Variants in ZNF221 observed in about 807,000 individuals in gnomAD.
ZNF221 encodes zinc finger protein 221.
In ZNF221, 10 loss-of-function variants were observed where a neutral mutation model predicts 12.6. The observed-to-expected ratio is 0.79, with a 90% CI of 0.49 to 1.34. The LOEUF (loss-of-function observed/expected upper bound fraction) is 1.34, where lower values mean the gene tolerates loss of function less well. ZNF221 is among the 40% of genes most tolerant of loss of function. ZNF221 has a pLI of 0.00. For synonymous variants in ZNF221, 232 were observed against 244.0 expected, an observed-to-expected ratio of 0.95 and a Z score of 0.46; for missense variants, 661 against 721.4, an observed-to-expected ratio of 0.92 and a Z score of 0.96.
downstream of ZNF221, among the ~76,000 whole-genome samples, chr19:43,969,963 T>A (rs442679): frequency 0.77 from 117,853 of 152,140 alleles, 46,740 homozygotes; most frequent in Middle Eastern, 0.89. Flanking sequence ...CCTGACTCAG[T>A]GAGACCTCCC....
In ZNF221 at chr19:43,953,797, C is replaced by T. The variant is rs373850981; in HGVS notation, c.-3+2397C>T. Among the ~76,000 whole-genome samples, 232 of 152,142 alleles carry T rather than the reference C, an allele frequency of 1.5e-3. 1 individual carries two copies. The highest frequency in any genetic ancestry group is 6.8e-3 in the Middle Eastern group (2 of 294). Reference sequence around the variant, plus strand: ...CCTCTTACATAAAAAGGATTTACAACTCAGCCAGGCGTGGTGGCTCACACC... The same window carrying T: ...CCTCTTACATAAAAAGGATTTACAATTCAGCCAGGCGTGGTGGCTCACACC... On this transcript the variant is annotated intron_variant, in intron 1 of 4. Transcript: ENST00000587682.
At chr19:43,959,875 G>A (rs1599815063) in intron 1 of ZNF221, among the ~76,000 whole-genome samples, 1 of 152,168 alleles carries the variant, frequency 6.6e-6, no homozygotes, top group South Asian at 2.1e-4. Context: ...CTATAAAGAT[G>A]CCTGAAAATG....
At chr19:43,971,645 TA>T (rs55735919), downstream of ZNF221, among the ~76,000 whole-genome samples, 396 of 148,650 alleles carry the variant, frequency 2.7e-3, 1 homozygote, top group African/African-American at 8.1e-3. Flanking sequence ...CCAACAAAGA[TA>T]AAAAAAAAAA....
intron 1 of ZNF221, among the ~76,000 whole-genome samples, chr19:43,959,226 A>G (rs1289059305): frequency 1.6e-4 from 25 of 152,230 alleles, no homozygotes; most frequent in Admixed American, 1.6e-3. Flanking sequence ...TTCACACTGT[A>G]CACTGTAGTT....
rs781164612 is a variant in ZNF221 at position 43,965,240 on chromosome 19, A to G, written c.216A>G (p.Gln72=). The G allele has an allele frequency of 1.9e-6, 3 of 1,611,166 alleles. No homozygotes were observed. Among genetic ancestry groups the G allele is most frequent in the African/African-American group, 1.3e-5 (1 of 74,806 alleles). The change falls in exon 4 of 5, where the codon CAA becomes CAG. Residue 72 remains glutamine, a synonymous_variant. Coordinates refer to ENST00000587682, the MANE Select transcript of ZNF221 (RefSeq NM_001297588.2). ...NFRNLLSVGN[Q]PFHQDTFHFL... ...GTCACTGTGTGTTCACAGGGAATCA[A>G]CCATTCCACCAAGATACTTTCCACT...
At chr19:43,968,117 G>A (rs529573968), downstream of ZNF221, 2 of 152,412 alleles carry the variant, frequency 1.3e-5, no homozygotes, top group Admixed American at 1.3e-4. Flanking sequence ...ATATCTCATA[G>A]CTTATTACAG....
Position 43,967,392 on chromosome 19 carries a change from C to T in ZNF221, c.*36C>T, listed in dbSNP as rs1324397356. Reference sequence around the variant, plus strand: ...TGTGGGAAGGGCTTTGGCTGGGCCTCAACTCATCTGACCCATCAATTCTCC... The same window carrying T: ...TGTGGGAAGGGCTTTGGCTGGGCCTTAACTCATCTGACCCATCAATTCTCC... On this transcript the variant is annotated 3_prime_UTR_variant, in exon 5 of 5. Coordinates refer to ENST00000587682, the MANE Select transcript of ZNF221 (RefSeq NM_001297588.2). 1.3e-6 allele frequency: 2 copies of T among 1,507,024 alleles called. No individual in the cohort carries two copies. The highest frequency in any genetic ancestry group is 2.3e-5 in the East Asian group (1 of 44,388). The allele number at this position is 1,507,024 out of a possible 1,614,324, so 93.4% of individuals were successfully genotyped here.
chr19:43,972,411 T>G (rs1599825667), downstream of ZNF221, among the ~76,000 whole-genome samples: 1 of 151,404 alleles, frequency 6.6e-6, no homozygotes, highest in East Asian at 1.9e-4. Flanking sequence ...GGAAATAAGA[T>G]CAGAGCAGAA....
In ZNF221 at chr19:43,967,048, A is replaced by C; in HGVS notation, c.1546A>C (p.Thr516Pro). Residue 516 changes from threonine to proline, a missense_variant, in exon 5 of 5, where the codon ACT (threonine) becomes CCT (proline). Physicochemically the swap from Thr to Pro is conservative, Grantham distance 38. Transcript: ENST00000587682. ...ATGTGAAGAGTGTGGAAAGAGATTTACTCAGAGTTCACAACTTCATTCCCA... is the reference window on the plus strand; with the variant it reads ...ATGTGAAGAGTGTGGAAAGAGATTTCCTCAGAGTTCACAACTTCATTCCCA... ...FKCEECGKRF[T>P]QSSQLHSHQT... 6.3e-7 allele frequency: 1 copy of C among 1,597,494 alleles called. No individual in the cohort carries two copies. The highest frequency in any genetic ancestry group is 1.1e-5 in the South Asian group (1 of 89,560).
At chr19:43,954,610 G>T (rs1474573588) in intron 1 of ZNF221, among the ~76,000 whole-genome samples, 2 of 152,154 alleles carry the variant, frequency 1.3e-5, no homozygotes, top group Admixed American at 6.5e-5. Flanking sequence ...GCCAGATGGG[G>T]TGAAGGCACA....
the ZNF221 span, among the ~76,000 whole-genome samples, chr19:43,973,835 A>G: frequency 6.6e-6 from 1 of 152,246 alleles, no homozygotes; most frequent in Non-Finnish European, 1.5e-5. Flanking sequence ...AGTAATTTAT[A>G]GATTCAATGC....
chr19:43,952,639 C>T (rs1280927484), intron 1 of ZNF221, among the ~76,000 whole-genome samples: 2 of 152,212 alleles, frequency 1.3e-5, no homozygotes, highest in Admixed American at 6.5e-5. Flanking sequence ...GGAACCTTTG[C>T]GGTCCAGGTC....
intron 1 of ZNF221, among the ~76,000 whole-genome samples, chr19:43,961,047 C>T (rs1974834309): frequency 6.6e-6 from 1 of 152,148 alleles, no homozygotes; most frequent in Admixed American, 6.5e-5. Context: ...CTTGGCTGCC[C>T]AAGGCCTTGG....
intron 1 of ZNF221, among the ~76,000 whole-genome samples, chr19:43,955,623 C>G (rs1272097554): frequency 7.2e-5 from 11 of 152,174 alleles, no homozygotes; most frequent in African/African-American, 2.7e-4. Context: ...TATGGCCAGG[C>G]CATTTGCCAC....
At chr19:43,971,437 G>T (rs1447101268), downstream of ZNF221, among the ~76,000 whole-genome samples, 1 of 152,072 alleles carries the variant, frequency 6.6e-6, no homozygotes, top group East Asian at 1.9e-4. Flanking sequence ...TAGGCTAAAT[G>T]CCCCAATTGA....
chr19:43,980,038 G>A, the ZNF221 span, among the ~76,000 whole-genome samples: 2 of 152,152 alleles, frequency 1.3e-5, no homozygotes, highest in East Asian at 1.9e-4. Context: ...ATAGTCAAAC[G>A]AAGGACTATA....
intron 1 of ZNF221, among the ~76,000 whole-genome samples, chr19:43,956,928 C>T (rs982118756): frequency 1.3e-5 from 2 of 152,200 alleles, no homozygotes; most frequent in African/African-American, 4.8e-5. Context: ...AGAAGCTTCA[C>T]TGCTACCATG....
At chr19:43,956,370 A>T (rs949702667) in intron 1 of ZNF221, among the ~76,000 whole-genome samples, 2 of 152,242 alleles carry the variant, frequency 1.3e-5, no homozygotes, top group South Asian at 2.1e-4. Context: ...CATTTAGGTA[A>T]AGAAGATACA....
chr19:43,970,229 A>G (rs911764840), downstream of ZNF221, among the ~76,000 whole-genome samples: 3 of 152,172 alleles, frequency 2.0e-5, no homozygotes, highest in African/African-American at 7.2e-5. Context: ...CAACAAGAAC[A>G]TCAACAAAAA....
Sources: allele counts gnomAD v4.1 joint callset (sites outside exome capture counted in the v4.1 genomes callset), GRCh38; gene constraint gnomAD v4.1.1; transcripts MANE v1.5; gene names NCBI Gene and HGNC (gene_info 2026-07-23, HGNC 2026-07-21).